The following TDRP variants were observed in gnomAD, a reference collection of about 807,000 sequenced individuals.
The protein encoded by TDRP is testis development-related protein.
In TDRP, 12 loss-of-function variants were observed where a neutral mutation model predicts 10.5. The ratio of observed to expected loss-of-function variants is 1.15; its 90% CI spans 0.73 to 1.86. The LOEUF (loss-of-function observed/expected upper bound fraction) is 1.86. Ranked by LOEUF, TDRP falls within the 40% of genes most tolerant of loss-of-function variation. TDRP has a pLI of 0.00. For missense variants in TDRP, 353 were observed against 229.2 expected (o/e 1.54, Z -3.49); for synonymous variants, 139 against 95.4 (o/e 1.46, Z -2.67).
intron 1 of TDRP, among the ~76,000 whole-genome samples, chr8:505,377 T>A (rs2335774): frequency 0.8 from 121,416 of 151,844 alleles, 48,841 homozygotes; most frequent in African/African-American, 0.86. Context: ...AGGATCCTGT[T>A]AAAGGGTAAA....
intron 1 of TDRP, among the ~76,000 whole-genome samples, chr8:532,435 T>C (rs1295548196): frequency 6.6e-6 from 1 of 152,204 alleles, no homozygotes; most frequent in Non-Finnish European, 1.5e-5. Context: ...AGAAATGCAC[T>C]CCAGCTCTTC....
intron 1 of TDRP, among the ~76,000 whole-genome samples, chr8:527,209 A>G (rs1802057340): frequency 6.6e-6 from 1 of 152,214 alleles, no homozygotes; most frequent in African/African-American, 2.4e-5. Context: ...TAACTGAACC[A>G]AAGAAGTTAA....
At chr8:522,606 C>G (rs1235138369) in intron 1 of TDRP, among the ~76,000 whole-genome samples, 2 of 152,196 alleles carry the variant, frequency 1.3e-5, no homozygotes, top group African/African-American at 4.8e-5. Flanking sequence ...ATATGCTTTG[C>G]CCCGCACAGA....
At chr8:534,727 G>A (rs73670313) in intron 1 of TDRP, among the ~76,000 whole-genome samples, 2,831 of 152,302 alleles carry the variant, frequency 0.019, 95 homozygotes, top group African/African-American at 0.065. Context: ...AGTTGTGGAC[G>A]ACTTTGAAGG....
At chr8:511,941 G>C (rs1472723981) in intron 1 of TDRP, among the ~76,000 whole-genome samples, 1 of 152,030 alleles carries the variant, frequency 6.6e-6, no homozygotes, top group Non-Finnish European at 1.5e-5. Flanking sequence ...ATTTATAGCT[G>C]TAAATGTCTA....
At chr8:493,340 T>C (rs1801033454) in intron 2 of TDRP, among the ~76,000 whole-genome samples, 1 of 152,204 alleles carries the variant, frequency 6.6e-6, no homozygotes, top group Admixed American at 6.5e-5. Flanking sequence ...CCAGGCCCTC[T>C]CCTTCCAGAT....
At chr8:508,249 T>C (rs1470777759) in intron 1 of TDRP, among the ~76,000 whole-genome samples, 1 of 152,176 alleles carries the variant, frequency 6.6e-6, no homozygotes, top group Non-Finnish European at 1.5e-5. Flanking sequence ...TAGAGGGGTT[T>C]TACAGTACAT....
intron 1 of TDRP, among the ~76,000 whole-genome samples, chr8:533,171 G>A (rs1019714281): frequency 2.0e-5 from 3 of 152,162 alleles, no homozygotes; most frequent in African/African-American, 2.4e-5. Flanking sequence ...CTGAAGTGGA[G>A]AACCAGGTTC....
At chr8:517,453 CT>C (rs1352693028) in intron 1 of TDRP, among the ~76,000 whole-genome samples, 9 of 152,134 alleles carry the variant, frequency 5.9e-5, no homozygotes, top group African/African-American at 1.9e-4. Context: ...AAGCCTCTAC[CT>C]GGAAGCTTCA....
chr8:494,607 G>A lies in TDRP; in HGVS notation c.109-10C>T, dbSNP rs761881657. On this transcript the variant is annotated splice_polypyrimidine_tract_variant and intron_variant, in intron 1 of 2. Transcript: ENST00000324079. ...AACTTGCTCCCTGAACCTAATAAAAGGTTAAGAAAAATGTCAAATCTGATG... is the reference window on the plus strand; with the variant it reads ...AACTTGCTCCCTGAACCTAATAAAAAGTTAAGAAAAATGTCAAATCTGATG... 1.9e-6 allele frequency: 3 copies of A among 1,611,700 alleles called. No individual in the cohort carries two copies. The highest frequency in any genetic ancestry group is 2.2e-5 in the East Asian group (1 of 44,848).
intron 1 of TDRP, among the ~76,000 whole-genome samples, chr8:513,145 CT>C (rs1333761117): frequency 6.6e-6 from 1 of 150,750 alleles, no homozygotes; most frequent in Non-Finnish European, 1.5e-5. Flanking sequence ...GGAACATTTT[CT>C]AACTCATTTT....
In TDRP at chr8:532,630, A is replaced by G. The variant is rs186387012; in HGVS notation, c.108+12020T>C. The stretch of plus-strand genomic sequence containing the variant: ...AATACAATGGAAGCTCCGGAAGAAT[A>G]TAAGTCAGCTTCATGACTATGCTAT... On this transcript the variant is annotated intron_variant, in intron 1 of 2. Transcript: ENST00000324079. 4.0e-3 allele frequency among the ~76,000 whole-genome samples: 606 copies of G among 152,386 alleles called. 4 individuals carry two copies. The highest frequency in any genetic ancestry group is 6.8e-3 in the Middle Eastern group (2 of 294).
intron 1 of TDRP, among the ~76,000 whole-genome samples, chr8:538,278 G>A (rs565575612): frequency 6.6e-6 from 1 of 152,312 alleles, no homozygotes; most frequent in African/African-American, 2.4e-5. Context: ...AGGGGATGAG[G>A]AACTCAATCA....
chr8:517,092 A>C (rs560906181), intron 1 of TDRP, among the ~76,000 whole-genome samples: 1 of 152,290 alleles, frequency 6.6e-6, no homozygotes, highest in East Asian at 1.9e-4. Flanking sequence ...ATGCCTCATT[A>C]TACTTTCCTC....
At chr8:525,679 A>C (rs1380344653) in intron 1 of TDRP, among the ~76,000 whole-genome samples, 1 of 152,174 alleles carries the variant, frequency 6.6e-6, no homozygotes, top group Non-Finnish European at 1.5e-5. Context: ...CAAATCAAAA[A>C]ACATACAATG....
At chr8:494,009 T>G (rs1159015916) in intron 2 of TDRP, among the ~76,000 whole-genome samples, 1 of 149,964 alleles carries the variant, frequency 6.7e-6, no homozygotes, top group Non-Finnish European at 1.5e-5. Flanking sequence ...TTTTTTTTTT[T>G]TTTTGAGACA....
chr8:523,196 C>A (rs10216463), intron 1 of TDRP, among the ~76,000 whole-genome samples: 1 of 151,976 alleles, frequency 6.6e-6, no homozygotes, highest in South Asian at 2.1e-4. Context: ...CTGGTTATCA[C>A]AGGGATTACA....
intron 1 of TDRP, among the ~76,000 whole-genome samples, chr8:513,998 C>T (rs1801686869): frequency 6.6e-6 from 1 of 152,160 alleles, no homozygotes; most frequent in African/African-American, 2.4e-5. Flanking sequence ...GAAGACATAA[C>T]ATTATTAAGA....
Position 490,409 on chromosome 8 carries a change from G to A in TDRP, c.*1990C>T, listed in dbSNP as rs1394971127. ...TGCGTCACAATTCTATGATTGACGT[G>A]AGTTGCAGGCACTTAGCGTTCCAAC... On this transcript the variant is annotated 3_prime_UTR_variant, in exon 3 of 3. Coordinates refer to ENST00000324079, the MANE Select transcript of TDRP (RefSeq NM_001384899.1). 6.6e-6 allele frequency: 1 copy of A among 152,220 alleles called. No homozygotes were observed. Among genetic ancestry groups the A allele is most frequent in the Non-Finnish European group, 1.5e-5 (1 of 68,044 alleles). The allele number at this position is 152,220 out of a possible 1,614,324, so 9.4% of individuals were successfully genotyped here.
Sources: allele counts gnomAD v4.1 joint callset (sites outside exome capture counted in the v4.1 genomes callset), GRCh38; gene constraint gnomAD v4.1.1; transcripts MANE v1.5; gene names NCBI Gene and HGNC (gene_info 2026-07-23, HGNC 2026-07-21).